MYLK4: variants seen among roughly 807,000 people sequenced by gnomAD.
MYLK4 encodes caMLCK like.
Under a neutral mutation model 48.1 loss-of-function variants are expected in MYLK4, and 46 were observed. The observed-to-expected ratio is 0.96, with a 90% CI of 0.75 to 1.22. MYLK4 has a LOEUF of 1.22. MYLK4 is among the 50% of genes most tolerant of loss of function. The probability of loss-of-function intolerance (pLI) is 0.00; values close to 1 mark genes in which losing one functional copy is unlikely to be tolerated. For missense variants in MYLK4, 451 were observed against 486.1 expected (o/e 0.93, Z 0.68); for synonymous variants, 170 against 180.8 (o/e 0.94, Z 0.48).
chr6:2,768,051 A>T, the MYLK4 span, among the ~76,000 whole-genome samples: 3 of 152,188 alleles, frequency 2.0e-5, no homozygotes, highest in East Asian at 5.8e-4. Flanking sequence ...AACAGCATAT[A>T]CATATTTGTT....
intron 2 of MYLK4, among the ~76,000 whole-genome samples, chr6:2,713,639 G>C (rs1762761714): frequency 6.6e-6 from 1 of 152,124 alleles, no homozygotes; most frequent in East Asian, 1.9e-4. Context: ...AGCTGCCCTG[G>C]TATTACGTTA....
chr6:2,733,409 T>C (rs1486409354), intron 2 of MYLK4, among the ~76,000 whole-genome samples: 1 of 152,100 alleles, frequency 6.6e-6, no homozygotes, highest in Non-Finnish European at 1.5e-5. Flanking sequence ...CCAGCAGACC[T>C]CAGAAACCAA....
chr6:2,764,589 C>T, the MYLK4 span, among the ~76,000 whole-genome samples: 1 of 152,008 alleles, frequency 6.6e-6, no homozygotes, highest in Admixed American at 6.6e-5. Context: ...GTAATTCATT[C>T]AAAGATGCAG....
At chr6:2,755,437 C>T (rs1764407081), upstream of MYLK4, among the ~76,000 whole-genome samples, 1 of 152,212 alleles carries the variant, frequency 6.6e-6, no homozygotes, top group Non-Finnish European at 1.5e-5. Context: ...AAAAAAGACA[C>T]TTTCTCACAT....
intron 2 of MYLK4, among the ~76,000 whole-genome samples, chr6:2,697,524 C>T (rs1332809446): frequency 3.9e-5 from 6 of 152,208 alleles, no homozygotes; most frequent in Non-Finnish European, 4.4e-5. Flanking sequence ...GGCATGAGTG[C>T]GCTCTCGCCC....
chr6:2,745,228 T>A (rs1006777485), intron 2 of MYLK4, among the ~76,000 whole-genome samples: 2 of 152,046 alleles, frequency 1.3e-5, no homozygotes, highest in African/African-American at 4.8e-5. Flanking sequence ...GAGACAGAGA[T>A]CCTACTAAAT....
At chr6:2,769,023 T>C in the MYLK4 span, 10 of 730,842 alleles carry the variant, frequency 1.4e-5, no homozygotes, top group Non-Finnish European at 1.5e-5. Flanking sequence ...CCTTCAAGCC[T>C]ATTTCTCCAT....
At position 2,685,692 on chromosome 6, in the gene MYLK4, G is replaced by A. The variant is rs1391933086; in HGVS notation, c.342-116C>T. The A allele has an allele frequency of 1.2e-6, 1 of 804,010 alleles. No homozygotes were observed. Among genetic ancestry groups the A allele is most frequent in the Non-Finnish European group, 2.0e-6 (1 of 494,418 alleles). 49.8% of individuals were successfully genotyped at this position (804,010 alleles called of 1,614,324 possible). ...GTCTGGATGAGCAGCCCTCTGAGGA[G>A]TTCTTTCAGTAAACTTCTAGAGCAG... is the stretch of plus-strand genomic sequence containing the variant. On this transcript the variant is annotated intron_variant, in intron 4 of 12. Transcript: ENST00000274643. This position sits in a 1 kb window ranked among gnomAD's most constrained non-coding sequence, Gnocchi z 4.5.
chr6:2,762,205 A>C, the MYLK4 span, among the ~76,000 whole-genome samples: 331 of 151,726 alleles, frequency 2.2e-3, 1 homozygote, highest in African/African-American at 7.3e-3. Context: ...TATTAATTCT[A>C]TCTCTCTTAA....
At chr6:2,727,303 A>G (rs1763311376) in intron 2 of MYLK4, among the ~76,000 whole-genome samples, 1 of 152,216 alleles carries the variant, frequency 6.6e-6, no homozygotes, top group African/African-American at 2.4e-5. Context: ...ACAAGGAAAG[A>G]GAAGACCCCG....
chr6:2,686,325 T>C (rs778263408), intron 4 of MYLK4, among the ~76,000 whole-genome samples: 27 of 152,224 alleles, frequency 1.8e-4, no homozygotes, highest in African/African-American at 2.4e-5. Flanking sequence ...CCTTCAGATA[T>C]ATAAAATTAT....
the MYLK4 span, among the ~76,000 whole-genome samples, chr6:2,757,137 T>C: frequency 1.0e-4 from 14 of 134,042 alleles, no homozygotes; most frequent in Non-Finnish European, 1.9e-4. Context: ...CTCAGAGGTG[T>C]GCTTTTTTTT....
intron 3 of MYLK4, among the ~76,000 whole-genome samples, chr6:2,690,958 A>G (rs1761769408): frequency 6.6e-6 from 1 of 151,340 alleles, no homozygotes; most frequent in Non-Finnish European, 1.5e-5. Context: ...CCTCCCGAGT[A>G]GCTGGGACTA....
At chr6:2,738,806 T>A (rs1192790992) in intron 2 of MYLK4, among the ~76,000 whole-genome samples, 1 of 152,240 alleles carries the variant, frequency 6.6e-6, no homozygotes, top group Non-Finnish European at 1.5e-5. Flanking sequence ...CTTGACACTT[T>A]TTAATTTTTA....
intron 2 of MYLK4, among the ~76,000 whole-genome samples, chr6:2,731,616 T>C (rs1763482531): frequency 6.6e-6 from 1 of 152,158 alleles, no homozygotes; most frequent in African/African-American, 2.4e-5. Flanking sequence ...CCTGCTCTGG[T>C]CTTAACCCTG....
intron 2 of MYLK4, among the ~76,000 whole-genome samples, chr6:2,739,953 T>C (rs1763833840): frequency 6.6e-6 from 1 of 152,184 alleles, no homozygotes; most frequent in African/African-American, 2.4e-5. Flanking sequence ...AGAACTCCAC[T>C]GGGAGGGCAG....
At chr6:2,754,138 A>T (rs1041697836), upstream of MYLK4, among the ~76,000 whole-genome samples, 43 of 152,188 alleles carry the variant, frequency 2.8e-4, no homozygotes, top group Non-Finnish European at 5.7e-4. Flanking sequence ...TTAAAAAGTT[A>T]TTTCCCATAT....
chr6:2,766,257 CGCTGGCTGCCGAGGAG>C, the MYLK4 span: 22 of 1,525,756 alleles, frequency 1.4e-5, no homozygotes, highest in Non-Finnish European at 1.9e-5. Flanking sequence ...CACCCCCGGG[CGCTGGCTGCCGAGGAG>C]ATCCGACAGA....
chr6:2,745,407 C>T (rs185466236), intron 2 of MYLK4, among the ~76,000 whole-genome samples: 16 of 152,270 alleles, frequency 1.1e-4, no homozygotes, highest in Admixed American at 3.3e-4. Flanking sequence ...CAGTAGCTAT[C>T]GAGCTCATCA....
Sources: gnomAD v4.1 joint callset for allele counts (sites outside exome capture counted in the v4.1 genomes callset) on GRCh38, gnomAD v4.1.1 for gene constraint, Gnocchi (gnomAD v3.1) non-coding constraint, MANE v1.5 for transcripts, NCBI Gene and HGNC (gene_info 2026-07-23, HGNC 2026-07-21) for gene names.